The following SCUBE2 variants were observed in gnomAD, a reference collection of about 807,000 sequenced individuals.
SCUBE2 encodes the protein signal peptide, CUB and EGF-like domain-containing protein 2.
SCUBE2 carries 114 observed loss-of-function variants against 125.9 expected under a neutral mutation model. The ratio of observed to expected loss-of-function variants is 0.91; its 90% CI spans 0.78 to 1.06. The LOEUF is 1.06. Ranked by LOEUF, SCUBE2 falls within the 50% of genes least tolerant of loss-of-function variation. The pLI, the probability that SCUBE2 is intolerant of heterozygous loss-of-function variation, is 0.00. For missense variants in SCUBE2, 1,255 were observed against 1,301.8 expected (o/e 0.96, Z 0.55); for synonymous variants, 459 against 492.9 (o/e 0.93, Z 0.91).
intron 17 of SCUBE2, chr11:9,031,188 T>A: frequency 3.1e-6 from 1 of 325,182 alleles, no homozygotes. Flanking sequence ...TTCCAAAGTA[T>A]GGGAAGGCCT....
At position 9,089,719 on chromosome 11, in the gene SCUBE2, T is replaced by A; in HGVS notation, c.244A>T (p.Arg82Trp). ...SCKPGYQGEGRQCEDIDECGN... is the reference protein window; with the variant it reads ...SCKPGYQGEGWQCEDIDECGN... ...CCAAGGCACTTACCCTCACACTGCC[T>A]GCCTTCCCCTTGGTAGCCAGGCTTG... The change falls in exon 2 of 23, where the codon AGG becomes TGG. Residue 82 changes from arginine to tryptophan, a missense_variant. Arg to Trp is a moderately radical substitution (Grantham distance 101). Coordinates refer to ENST00000649792, the MANE Select transcript of SCUBE2 (RefSeq NM_001367977.2). 6.2e-7 allele frequency: 1 copy of A among 1,613,730 alleles called. No homozygotes were observed. The highest frequency in any genetic ancestry group is 8.5e-7 in the Non-Finnish European group (1 of 1,179,762).
chr11:9,029,432 C>T (rs1856085358), intron 19 of SCUBE2, among the ~76,000 whole-genome samples: 1 of 152,256 alleles, frequency 6.6e-6, no homozygotes, highest in Non-Finnish European at 1.5e-5. Context: ...CCTTCTCACA[C>T]CCTCCAGAAG....
At chr11:9,087,340 G>A (rs538276395) in intron 2 of SCUBE2, among the ~76,000 whole-genome samples, 13 of 152,320 alleles carry the variant, frequency 8.5e-5, no homozygotes, top group Middle Eastern at 6.8e-3. Flanking sequence ...ACTGGAGGAC[G>A]TGAGTTATCC....
intron 9 of SCUBE2, 124 bp downstream of exon 9, chr11:9,059,179 A>C: frequency 5.5e-6 from 6 of 1,092,200 alleles, no homozygotes; most frequent in Non-Finnish European, 6.6e-6. Flanking sequence ...AAGCCTAGGA[A>C]GGAGATTGGA....
Position 9,033,705 on chromosome 11 carries a change from C to T in SCUBE2, c.2094G>A (p.Met698Ile). The change falls in exon 17 of 23, where the codon ATG becomes ATA. Residue 698 changes from methionine to isoleucine, a missense_variant. Physicochemically the swap from Met to Ile is conservative, Grantham distance 10. Transcript: ENST00000649792. ...CTGGTCTTGGGCATGGTTCACAAGT[C>T]ATTTGTCCTTCCTCATTTTGGAAGG... ...NGTFQNEEGQMTCEPCPRPGN... is the reference protein window; with the variant it reads ...NGTFQNEEGQITCEPCPRPGN... 1.2e-6 allele frequency: 2 copies of T among 1,614,124 alleles called. No individual in the cohort carries two copies. The highest frequency in any genetic ancestry group is 1.1e-5 in the South Asian group (1 of 91,074).
At chr11:9,058,571 G>A (rs1249431130) in intron 9 of SCUBE2, among the ~76,000 whole-genome samples, 1 of 129,822 alleles carries the variant, frequency 7.7e-6, no homozygotes, top group Admixed American at 8.7e-5. Context: ...ACTCCAGCCT[G>A]GGTGACAGAG....
At chr11:9,024,017 A>C (rs1012595403) in intron 21 of SCUBE2, among the ~76,000 whole-genome samples, 2 of 151,506 alleles carry the variant, frequency 1.3e-5, no homozygotes, top group African/African-American at 4.9e-5. Context: ...AAAAAAAAAA[A>C]CTCTGAGTGA....
At chr11:9,023,860 T>C (rs1855509497) in intron 21 of SCUBE2, among the ~76,000 whole-genome samples, 1 of 152,234 alleles carries the variant, frequency 6.6e-6, no homozygotes, top group African/African-American at 2.4e-5. Context: ...CAATGCTCAA[T>C]GTGTGTTAGC....
chr11:9,078,404 AT>A (rs571628691), intron 3 of SCUBE2, among the ~76,000 whole-genome samples: 282 of 152,348 alleles, frequency 1.9e-3, no homozygotes, highest in African/African-American at 6.5e-3. Flanking sequence ...GATAAAGGTC[AT>A]ATGAGGGTTA....
chr11:9,038,652 A>T (rs7130454), intron 16 of SCUBE2, among the ~76,000 whole-genome samples: 2 of 151,830 alleles, frequency 1.3e-5, no homozygotes, highest in African/African-American at 4.8e-5. Flanking sequence ...ACAACAACAA[A>T]AAAAAACAGG....
rs563347033 is a variant in SCUBE2, at chr11:9,053,679, G to T, written c.1288C>A (p.His430Asn). 6.2e-7 allele frequency: 1 copy of T among 1,614,156 alleles called. No homozygotes were observed. The highest frequency in any genetic ancestry group is 8.5e-7 in the Non-Finnish European group (1 of 1,180,012). Residue 430 changes from histidine to asparagine, a missense_variant, in exon 11 of 23, where the codon CAC (histidine) becomes AAC (asparagine). Physicochemically the swap from His to Asn is moderately conservative, Grantham distance 68 (BLOSUM62 1). Transcript: ENST00000649792. Reference protein sequence around the residue: ...NTVGSYECQCHPGYKLHWNKK... With the variant: ...NTVGSYECQCNPGYKLHWNKK... Reference sequence around the variant, plus strand: ...TTCCAGTGGAGCTTGTACCCAGGGTGGCACTGGCATTCATAGCTGCCCACT... The same window carrying T: ...TTCCAGTGGAGCTTGTACCCAGGGTTGCACTGGCATTCATAGCTGCCCACT...
chr11:9,075,676 C>A (rs1048755673), intron 3 of SCUBE2, among the ~76,000 whole-genome samples: 1 of 152,202 alleles, frequency 6.6e-6, no homozygotes, highest in Admixed American at 6.5e-5. Flanking sequence ...TACAAGGCAG[C>A]AGCTGAGGGC....
At position 9,091,479 on chromosome 11, in the gene SCUBE2, AGC is replaced by A; in HGVS notation, c.48_49del (p.Leu17AlafsTer31). 1 of 1,266,140 alleles carries A rather than the reference AGC, an allele frequency of 7.9e-7. No individual in the cohort carries two copies. The highest frequency in any genetic ancestry group is 2.0e-5 in the South Asian group (1 of 49,824). 78.4% of individuals were successfully genotyped at this position (1,266,140 alleles called of 1,614,324 possible). ...CAGTGGCGGCAGCAGCAGCAGCAGCAGCAGCACCGCCCAGGCCGCCCCGGGAC... is the reference window on the plus strand; with the variant it reads ...CAGTGGCGGCAGCAGCAGCAGCAGCAAGCACCGCCCAGGCCGCCCCGGGAC... On this transcript the variant is annotated frameshift_variant, in exon 1 of 23. Transcript: ENST00000649792. LOFTEE classifies it high-confidence loss of function. This position sits in a 1 kb window ranked among gnomAD's most constrained non-coding sequence, Gnocchi z 8.5.
At chr11:9,085,809 C>T (rs1862010199) in intron 2 of SCUBE2, among the ~76,000 whole-genome samples, 1 of 145,812 alleles carries the variant, frequency 6.9e-6, no homozygotes, top group African/African-American at 2.5e-5. Context: ...CCCTGTTAAA[C>T]TTTATTCAAT....
In SCUBE2 at chr11:9,033,666, G is replaced by A. The variant is rs761218611; in HGVS notation, c.2133C>T (p.Ala711=). The change falls in exon 17 of 23, where the codon GCC becomes GCT. Residue 711 remains alanine (A), a synonymous_variant. Coordinates refer to ENST00000649792, the MANE Select transcript of SCUBE2 (RefSeq NM_001367977.2). ...EPCPRPGNSG[A]LKTPEAWNMS... ...TATTCCAAGCTTCTGGGGTCTTCAG[G>A]GCCCCAGAATTTCCTGGTCTTGGGC... 5.0e-6 allele frequency: 8 copies of A among 1,613,858 alleles called. No homozygotes were observed. The highest frequency in any genetic ancestry group is 1.1e-5 in the South Asian group (1 of 91,068).
In SCUBE2 at chr11:9,089,837, A is replaced by T. The variant is rs373523315; in HGVS notation, c.134-8T>A. ...GGGCACACTCATCTACATCTGCAAA[A>T]GAGCACAGCTGACACCTGGTACAGG... On this transcript the variant is annotated splice_polypyrimidine_tract_variant and splice_region_variant and intron_variant, in intron 1 of 22. Transcript: ENST00000649792. The T allele has an allele frequency of 6.1e-5, 99 of 1,613,062 alleles. No homozygotes were observed. Among genetic ancestry groups the T allele is most frequent in the Non-Finnish European group, 8.0e-5 (94 of 1,179,492 alleles).
rs201862000 is a variant in SCUBE2 at position 9,048,054 on chromosome 11, T to G, written c.1684A>C (p.Thr562Pro). The G allele has an allele frequency of 1.2e-6, 2 of 1,614,028 alleles. No homozygotes were observed. The highest frequency in any genetic ancestry group is 1.7e-6 in the Non-Finnish European group (2 of 1,180,014). ...VKESFRYVNL[T>P]CSSGKQVPGA... ...GGGACTTGCTTGCCAGAGCTGCATG[T>G]AAGGTTTACGTAGCGGAAGCTCTCT... The change falls in exon 15 of 23, where the codon ACA (threonine) becomes CCA (proline). Residue 562 changes from threonine (T) to proline (P), a missense_variant. Physicochemically the swap from Thr to Pro is conservative, Grantham distance 38 (BLOSUM62 -1). Transcript: ENST00000649792.
chr11:9,089,868 A>G (rs1862483844), intron 1 of SCUBE2, 39 bp from the exon 2 acceptor site: 1 of 1,605,924 alleles, frequency 6.2e-7, no homozygotes, highest in African/African-American at 1.3e-5. Context: ...ACAGGCTCCC[A>G]GGCCATGTGT....
chr11:9,077,417 G>C (rs531993921), intron 3 of SCUBE2, among the ~76,000 whole-genome samples: 3 of 152,212 alleles, frequency 2.0e-5, no homozygotes, highest in Admixed American at 1.3e-4. Flanking sequence ...GCTGCCTTTC[G>C]TTTTTCAGAC....
Sources: allele counts gnomAD v4.1 joint callset (sites outside exome capture counted in the v4.1 genomes callset), GRCh38; gene constraint gnomAD v4.1.1; non-coding constraint Gnocchi (gnomAD v3.1); transcripts MANE v1.5; gene names NCBI Gene and HGNC (gene_info 2026-07-23, HGNC 2026-07-21).